ZFPM2: variants seen among roughly 807,000 people sequenced by gnomAD.
ZFPM2 encodes the protein zinc finger protein ZFPM2.
Under a neutral mutation model 98.6 loss-of-function variants are expected in ZFPM2, and 20 were observed. The ratio of observed to expected loss-of-function variants is 0.20; its 90% CI spans 0.14 to 0.29. The LOEUF (loss-of-function observed/expected upper bound fraction) is 0.29, where lower values mean the gene tolerates loss of function less well. Ranked by LOEUF, ZFPM2 falls within the 10% of genes least tolerant of loss-of-function variation. The pLI, the probability that ZFPM2 is intolerant of heterozygous loss-of-function variation, is 1.00. For synonymous variants in ZFPM2, 518 were observed against 502.7 expected (o/e 1.03, Z -0.41); for missense variants, 1,310 against 1,388.6 (o/e 0.94, Z 0.90).
At chr8:105,791,130 G>T (rs1349951704) in intron 6 of ZFPM2, among the ~76,000 whole-genome samples, 2 of 152,182 alleles carry the variant, frequency 1.3e-5, no homozygotes, top group Non-Finnish European at 2.9e-5. Flanking sequence ...ACACTGTGTT[G>T]AATAGGAGTG....
intron 3 of ZFPM2, among the ~76,000 whole-genome samples, chr8:105,464,441 T>C (rs1251149232): frequency 1.3e-5 from 2 of 152,040 alleles, no homozygotes; most frequent in East Asian, 1.9e-4. Context: ...CTCTTAAAAA[T>C]AGAGCAAATG....
intron 5 of ZFPM2, among the ~76,000 whole-genome samples, chr8:105,671,471 A>G (rs1434309325): frequency 2.0e-5 from 3 of 151,676 alleles, no homozygotes; most frequent in Non-Finnish European, 4.4e-5. Flanking sequence ...ATAATTTTTC[A>G]TCTGTACATT....
At chr8:105,508,557 G>A (rs1813748428) in intron 3 of ZFPM2, among the ~76,000 whole-genome samples, 1 of 152,058 alleles carries the variant, frequency 6.6e-6, no homozygotes, top group African/African-American at 2.4e-5. Context: ...GCAGGCAGGC[G>A]CCTCCTCCCT....
At chr8:105,711,982 A>T (rs532997624) in intron 5 of ZFPM2, among the ~76,000 whole-genome samples, 1 of 152,204 alleles carries the variant, frequency 6.6e-6, no homozygotes, top group East Asian at 1.9e-4. Flanking sequence ...TTCCTAGAGG[A>T]CATATCTTAT....
intron 5 of ZFPM2, among the ~76,000 whole-genome samples, chr8:105,646,346 G>A (rs1047248679): frequency 2.6e-5 from 4 of 152,086 alleles, no homozygotes; most frequent in African/African-American, 9.7e-5. Context: ...GTGTCGGGTG[G>A]TTCGTTGATA....
At chr8:105,626,430 G>A (rs1816656554) in intron 4 of ZFPM2, among the ~76,000 whole-genome samples, 1 of 152,144 alleles carries the variant, frequency 6.6e-6, no homozygotes, top group African/African-American at 2.4e-5. Flanking sequence ...GAATTCCAGG[G>A]TGGAGAACTG....
At chr8:105,770,414 A>G (rs1188252130) in intron 5 of ZFPM2, among the ~76,000 whole-genome samples, 1 of 152,140 alleles carries the variant, frequency 6.6e-6, no homozygotes, top group African/African-American at 2.4e-5. Context: ...ACGAAAGTTA[A>G]CTGAAAACAA....
Position 105,387,394 on chromosome 8 carries a change from G to C in ZFPM2, c.41-31750G>C, listed in dbSNP as rs112586651. ...CGTAGAGCAGGCGGCAGCGCTCGTC[G>C]GGGAGGCTCCGGCTGCGCAGGAGCC... is the stretch of plus-strand genomic sequence containing the variant. On this transcript the variant is annotated intron_variant, in intron 1 of 7. Transcript: ENST00000407775. 1,486 of 157,770 alleles carry C rather than the reference G, an allele frequency of 9.4e-3. 21 individuals carry two copies. Among genetic ancestry groups the C allele is most frequent in the African/African-American group, 0.033 (1,394 of 41,616 alleles). The allele number at this position is 157,770 out of a possible 1,614,324, so 9.8% of individuals were successfully genotyped here.
intron 1 of ZFPM2, among the ~76,000 whole-genome samples, chr8:105,403,595 A>G (rs1377904241): frequency 1.3e-5 from 2 of 151,376 alleles, no homozygotes; most frequent in Non-Finnish European, 1.5e-5. Context: ...TTTTTCAGTC[A>G]TTAGCATGTT....
chr8:105,652,817 C>T (rs1438718320), intron 5 of ZFPM2, among the ~76,000 whole-genome samples: 1 of 152,040 alleles, frequency 6.6e-6, no homozygotes, highest in Non-Finnish European at 1.5e-5. Flanking sequence ...TTCACCTCTC[C>T]CCGAAAAAGA....
chr8:105,760,497 G>A (rs548377343), intron 5 of ZFPM2, among the ~76,000 whole-genome samples: 1 of 152,028 alleles, frequency 6.6e-6, no homozygotes, highest in East Asian at 1.9e-4. Context: ...TAAAATCAAA[G>A]CAAACATAAA....
chr8:105,610,541 G>A (rs1327483017), intron 4 of ZFPM2, among the ~76,000 whole-genome samples: 3 of 152,076 alleles, frequency 2.0e-5, no homozygotes, highest in Non-Finnish European at 4.4e-5. Flanking sequence ...CAATGCTAGA[G>A]GAGAAATTGG....
intron 5 of ZFPM2, among the ~76,000 whole-genome samples, chr8:105,656,882 C>T (rs1341850000): frequency 3.3e-5 from 5 of 152,080 alleles, no homozygotes; most frequent in Non-Finnish European, 7.4e-5. Flanking sequence ...AATATAGTCC[C>T]AGGAACAAAG....
At chr8:105,386,089 G>A (rs1175512660) in intron 1 of ZFPM2, among the ~76,000 whole-genome samples, 1 of 152,092 alleles carries the variant, frequency 6.6e-6, no homozygotes, top group Non-Finnish European at 1.5e-5. Context: ...TTTTTCAATA[G>A]GTGCTCAGTA....
chr8:105,466,274 A>G (rs951909347), intron 3 of ZFPM2, among the ~76,000 whole-genome samples: 14 of 152,036 alleles, frequency 9.2e-5, no homozygotes, highest in Non-Finnish European at 2.9e-5. Context: ...AACATTTCAA[A>G]ATCATATTTA....
chr8:105,687,595 ATGTG>A lies in ZFPM2; in HGVS notation c.532+53242_532+53245del, dbSNP rs1199044211. 1.1e-4 allele frequency among the ~76,000 whole-genome samples: 16 copies of A among 152,206 alleles called. 1 individual carries two copies. The highest frequency in any genetic ancestry group is 1.3e-4 in the Non-Finnish European group (9 of 68,018). ...AGTTCTAGTCTTTCACAGTACAATTATGTGTGTAACTGATAACAAAACCTGACAT... is the reference window on the plus strand; with the variant it reads ...AGTTCTAGTCTTTCACAGTACAATTATGTAACTGATAACAAAACCTGACAT... On this transcript the variant is annotated intron_variant, in intron 5 of 7. Transcript: ENST00000407775.
At chr8:105,592,338 CT>C (rs1405703553) in intron 4 of ZFPM2, among the ~76,000 whole-genome samples, 1 of 152,000 alleles carries the variant, frequency 6.6e-6, no homozygotes, top group Non-Finnish European at 1.5e-5. Context: ...GGTTAAAGGA[CT>C]TTCTTATTTC....
At chr8:105,383,442 C>A (rs1353442103) in intron 1 of ZFPM2, among the ~76,000 whole-genome samples, 1 of 152,172 alleles carries the variant, frequency 6.6e-6, no homozygotes, top group African/African-American at 2.4e-5. Flanking sequence ...ACAAATAAAT[C>A]TTATGTGGTG....
chr8:105,535,837 C>G (rs1814439690), intron 3 of ZFPM2, among the ~76,000 whole-genome samples: 1 of 152,114 alleles, frequency 6.6e-6, no homozygotes, highest in Non-Finnish European at 1.5e-5. Flanking sequence ...TCCCAAATGA[C>G]CACTCTATGA....
Sources: allele counts gnomAD v4.1 joint callset (sites outside exome capture counted in the v4.1 genomes callset), GRCh38; gene constraint gnomAD v4.1.1; transcripts MANE v1.5; gene names NCBI Gene and HGNC (gene_info 2026-07-23, HGNC 2026-07-21).